KRT72: variants seen among roughly 807,000 people sequenced by gnomAD.
KRT72 encodes keratin 72.
In KRT72, 44 loss-of-function variants were observed where a neutral mutation model predicts 44.7. The observed-to-expected ratio is 0.98, with a 90% CI of 0.77 to 1.27. The LOEUF (loss-of-function observed/expected upper bound fraction) is 1.27, where lower values mean the gene tolerates loss of function less well. Among genes scored for constraint, KRT72 ranks in the 50% most tolerant of loss-of-function variants. The pLI, the probability that KRT72 is intolerant of heterozygous loss-of-function variation, is 0.00. For synonymous variants in KRT72, 302 were observed against 280.4 expected (o/e 1.08, Z -0.77); for missense variants, 736 against 667.1 (o/e 1.10, Z -1.14).
chr12:52,594,110 TACTTA>T (rs1301978683), intron 2 of KRT72, among the ~76,000 whole-genome samples: 1 of 152,230 alleles, frequency 6.6e-6, no homozygotes, highest in Non-Finnish European at 1.5e-5. Context: ...TTTATTCATG[TACTTA>T]ACATAAACAA....
intron 2 of KRT72, among the ~76,000 whole-genome samples, chr12:52,594,263 A>G (rs1472986279): frequency 6.6e-6 from 1 of 152,222 alleles, no homozygotes; most frequent in African/African-American, 2.4e-5. Flanking sequence ...TACCGGGTAT[A>G]TACTCAAAGG....
At position 52,590,824 on chromosome 12, in the gene KRT72, C is replaced by A; in HGVS notation, c.1089+12G>T. On this transcript the variant is annotated intron_variant, in intron 6 of 8. Transcript: ENST00000293745. ...ATAAATACTGTTAGTGGATTAATTT[C>A]ATAGAACCCACCTGCTTCTTCACAT... The A allele has an allele frequency of 6.4e-7, 1 of 1,564,096 alleles. No individual in the cohort carries two copies. Among genetic ancestry groups the A allele is most frequent in the Non-Finnish European group, 8.7e-7 (1 of 1,145,994 alleles).
chr12:52,595,669 G>A (rs1205706115), intron 2 of KRT72, among the ~76,000 whole-genome samples: 2 of 152,176 alleles, frequency 1.3e-5, no homozygotes, highest in Non-Finnish European at 2.9e-5. Context: ...AAAACATGAG[G>A]CAGAATCACA....
intron 2 of KRT72, among the ~76,000 whole-genome samples, chr12:52,595,803 A>T (rs1940210191): frequency 6.6e-6 from 1 of 152,250 alleles, no homozygotes; most frequent in Non-Finnish European, 1.5e-5. Flanking sequence ...AAGTTGTATA[A>T]GCATGGCCAT....
At chr12:52,587,262 G>C (rs1223205467) in intron 7 of KRT72, among the ~76,000 whole-genome samples, 1 of 152,092 alleles carries the variant, frequency 6.6e-6, no homozygotes, top group Non-Finnish European at 1.5e-5. Flanking sequence ...ACTGTTCTTA[G>C]ACGATTAAGA....
intron 2 of KRT72, 76 bp downstream of exon 2, chr12:52,598,822 C>T: frequency 1.5e-6 from 2 of 1,358,210 alleles, no homozygotes; most frequent in Non-Finnish European, 2.1e-6. Context: ...ATCTCAGAAG[C>T]AAAAATGCCA....
chr12:52,594,778 G>A (rs1162938758), intron 2 of KRT72, among the ~76,000 whole-genome samples: 1 of 152,184 alleles, frequency 6.6e-6, no homozygotes, highest in Admixed American at 6.5e-5. Flanking sequence ...CTGTTGAATG[G>A]CTGAGCAGTG....
intron 2 of KRT72, among the ~76,000 whole-genome samples, chr12:52,594,595 C>T (rs779704070): frequency 1.1e-4 from 16 of 150,150 alleles, no homozygotes; most frequent in Non-Finnish European, 2.2e-4. Flanking sequence ...ACACCACACA[C>T]CGAGGCCTGT....
chr12:52,595,083 T>G (rs1188554504), intron 2 of KRT72, among the ~76,000 whole-genome samples: 1 of 152,194 alleles, frequency 6.6e-6, no homozygotes, highest in Non-Finnish European at 1.5e-5. Flanking sequence ...TTTTAGTAGT[T>G]TATATCTATT....
In KRT72 at chr12:52,591,636, C is replaced by T. The variant is rs144214933; in HGVS notation, c.799-8G>A. 438 of 1,600,734 alleles carry T rather than the reference C, an allele frequency of 2.7e-4. No homozygotes were observed. In the African/African-American group the frequency reaches 3.1e-3, roughly 11 times the overall value. ...CTGGATCTGAGTGATCTCCTGGGGA[C>T]GGTTGGGGGAGGGGAGCTAGTTAAG... is the stretch of plus-strand genomic sequence containing the variant. On this transcript the variant is annotated splice_region_variant and splice_polypyrimidine_tract_variant and intron_variant, in intron 4 of 8. Coordinates refer to ENST00000293745, the MANE Select transcript of KRT72 (RefSeq NM_080747.3).
intron 6 of KRT72, 21 bp from the exon 7 acceptor site, chr12:52,587,872 G>C (rs982965654): frequency 1.2e-6 from 2 of 1,607,640 alleles, no homozygotes; most frequent in African/African-American, 2.7e-5. Context: ...AACAGATCCA[G>C]CACTTAAGAG....
At position 52,601,285 on chromosome 12, in the gene KRT72, T is replaced by G; in HGVS notation, c.168A>C (p.Arg56=). The G allele has an allele frequency of 6.4e-7, 1 of 1,551,160 alleles. No homozygotes were observed. Among genetic ancestry groups the G allele is most frequent in the Non-Finnish European group, 8.7e-7 (1 of 1,148,720 alleles). The change falls in exon 1 of 9, where the codon CGA becomes CGC. Residue 56 remains arginine (R), a synonymous_variant. Transcript: ENST00000293745. ...GTGCAGCAGCGCTGAGCGCCAGGCT[T>G]CGGCTGCCCCCAAGGCAGGAGAGGC... ...SKSLSCLGGS[R]SLALSAAARR...
At chr12:52,588,566 A>G (rs1274942659) in intron 6 of KRT72, among the ~76,000 whole-genome samples, 1 of 152,256 alleles carries the variant, frequency 6.6e-6, no homozygotes. Context: ...TGCTGTGCTC[A>G]AGATGCATGG....
chr12:52,599,862 C>T (rs138030692), intron 1 of KRT72, among the ~76,000 whole-genome samples: 1 of 152,346 alleles, frequency 6.6e-6, no homozygotes, highest in African/African-American at 2.4e-5. Context: ...ATTTCTTAGC[C>T]TCCCATGTCT....
chr12:52,588,700 T>C (rs1334140369), intron 6 of KRT72, among the ~76,000 whole-genome samples: 2 of 151,926 alleles, frequency 1.3e-5, no homozygotes, highest in Non-Finnish European at 2.9e-5. Context: ...TAAAAATAAA[T>C]AAATAAATAA....
chr12:52,595,429 A>T (rs1435328838), intron 2 of KRT72, among the ~76,000 whole-genome samples: 1 of 152,150 alleles, frequency 6.6e-6, no homozygotes, highest in Non-Finnish European at 1.5e-5. Context: ...TTCTTAGTTT[A>T]TTCTGAGTGG....
chr12:52,591,625 T>C lies in KRT72; in HGVS notation c.802A>G (p.Ile268Val), dbSNP rs1362566676. 2 of 1,610,048 alleles carry C rather than the reference T, an allele frequency of 1.2e-6. No homozygotes were observed. Among genetic ancestry groups the C allele is most frequent in the Non-Finnish European group, 8.5e-7 (1 of 1,176,876 alleles). ...KFFKCLYEGE[I>V]TQIQSHISDT... ...CTGATGTGGGACTGGATCTGAGTGA[T>C]CTCCTGGGGACGGTTGGGGGAGGGG... Residue 268 changes from isoleucine to valine, a missense_variant, in exon 5 of 9, where the codon ATC becomes GTC. Coordinates refer to ENST00000293745, the MANE Select transcript of KRT72 (RefSeq NM_080747.3).
chr12:52,589,511 C>G (rs546360727), intron 6 of KRT72, among the ~76,000 whole-genome samples: 1 of 152,316 alleles, frequency 6.6e-6, no homozygotes, highest in South Asian at 2.1e-4. Flanking sequence ...GAACCTGGGG[C>G]AGAGGGACAC....
In KRT72 at chr12:52,586,982, TGAA is replaced by T; in HGVS notation, c.1311-5_1311-3del. The T allele has an allele frequency of 1.9e-6, 3 of 1,613,700 alleles. No individual in the cohort carries two copies. The highest frequency in any genetic ancestry group is 2.5e-6 in the Non-Finnish European group (3 of 1,179,618). ...GAATTTGGATATTCGCCAGACATCCTGAAGAAGGAGAAGAAAAACAGGTAAATC... is the reference window on the plus strand; with the variant it reads ...GAATTTGGATATTCGCCAGACATCCTGAAGGAGAAGAAAAACAGGTAAATC... On this transcript the variant is annotated splice_region_variant and splice_polypyrimidine_tract_variant and intron_variant, in intron 7 of 8. Transcript: ENST00000293745.
Sources: gnomAD v4.1 joint callset for allele counts (sites outside exome capture counted in the v4.1 genomes callset) on GRCh38, gnomAD v4.1.1 for gene constraint, MANE v1.5 for transcripts, NCBI Gene and HGNC (gene_info 2026-07-23, HGNC 2026-07-21) for gene names.